PRKAG2: variants seen among roughly 807,000 people sequenced by gnomAD.
PRKAG2 encodes the protein 5'-AMP-activated protein kinase subunit gamma-2.
PRKAG2 carries 26 observed loss-of-function variants against 69.6 expected under a neutral mutation model. The observed-to-expected ratio is 0.37, with a 90% CI of 0.27 to 0.52. The LOEUF is 0.52. Ranked by LOEUF, PRKAG2 falls within the 20% of genes least tolerant of loss-of-function variation. PRKAG2 has a pLI of 0.90. For missense variants in PRKAG2, 557 were observed against 740.0 expected, an observed-to-expected ratio of 0.75 and a Z score of 2.87; for synonymous variants, 293 against 285.0, an observed-to-expected ratio of 1.03 and a Z score of -0.28.
chr7:151,662,074 T>G (rs1830401094), intron 4 of PRKAG2, among the ~76,000 whole-genome samples: 1 of 152,146 alleles, frequency 6.6e-6, no homozygotes, highest in South Asian at 2.1e-4. Context: ...TTCACACAAC[T>G]CTATTGGTAA....
chr7:151,652,521 T>G (rs1483494864), intron 4 of PRKAG2, among the ~76,000 whole-genome samples: 1 of 152,122 alleles, frequency 6.6e-6, no homozygotes, highest in Non-Finnish European at 1.5e-5. Context: ...TTCTTTTTCT[T>G]TTTTCTTTTC....
chr7:151,799,475 G>A (rs2077718199), intron 1 of PRKAG2, among the ~76,000 whole-genome samples: 1 of 152,206 alleles, frequency 6.6e-6, no homozygotes, highest in African/African-American at 2.4e-5. Context: ...CTTGGGTTCT[G>A]CGGGCACCTT....
intron 3 of PRKAG2, among the ~76,000 whole-genome samples, chr7:151,729,278 C>T (rs1034619212): frequency 8.5e-5 from 13 of 152,076 alleles, no homozygotes; most frequent in African/African-American, 2.4e-4. Context: ...CTACAGTGTC[C>T]GAAACCCCCC....
chr7:151,622,707 G>C (rs1821827357), intron 5 of PRKAG2, among the ~76,000 whole-genome samples: 1 of 152,168 alleles, frequency 6.6e-6, no homozygotes, highest in Non-Finnish European at 1.5e-5. Context: ...CTCAGGAACA[G>C]GGATAAGCAC....
At chr7:151,600,170 C>T (rs537505038) in intron 5 of PRKAG2, among the ~76,000 whole-genome samples, 3 of 152,164 alleles carry the variant, frequency 2.0e-5, no homozygotes, top group Non-Finnish European at 4.4e-5. Flanking sequence ...CTGCTTTCCC[C>T]GTTCTGCCGA....
At chr7:151,603,693 G>C (rs1264931567) in intron 5 of PRKAG2, among the ~76,000 whole-genome samples, 2 of 152,022 alleles carry the variant, frequency 1.3e-5, no homozygotes, top group Admixed American at 1.3e-4. Flanking sequence ...TCCTATCCAG[G>C]GTGCCTAAAA....
intron 1 of PRKAG2, among the ~76,000 whole-genome samples, chr7:151,800,411 C>T (rs1390717933): frequency 6.6e-6 from 1 of 152,022 alleles, no homozygotes; most frequent in Non-Finnish European, 1.5e-5. Context: ...CAGTTTCCTC[C>T]TCTGAGACAG....
Position 151,614,464 on chromosome 7 carries a change from A to C in PRKAG2, c.754+17605T>G, listed in dbSNP as rs1819606133. ...AAAAATCAGGGCTGCGTGGACGCTC[A>C]GTCAGAGGAGAAAAGAGGCAGAGCA... On this transcript the variant is annotated intron_variant, in intron 5 of 15. Coordinates refer to ENST00000287878, the MANE Select transcript of PRKAG2 (RefSeq NM_016203.4). This position sits in a 1 kb window ranked among gnomAD's most constrained non-coding sequence, Gnocchi z 4.4. Among the ~76,000 whole-genome samples the C allele has an allele frequency of 1.3e-5, 2 of 152,288 alleles. No individual in the cohort carries two copies. The highest frequency in any genetic ancestry group is 1.5e-5 in the Non-Finnish European group (1 of 68,018).
At chr7:151,724,751 C>T (rs74899537) in intron 3 of PRKAG2, among the ~76,000 whole-genome samples, 3,449 of 152,296 alleles carry the variant, frequency 0.023, 59 homozygotes, top group Admixed American at 0.055. Context: ...CGGCTCTCCG[C>T]GCCACGCTCC....
intron 1 of PRKAG2, among the ~76,000 whole-genome samples, chr7:151,813,947 A>G (rs1254989985): frequency 1.3e-5 from 2 of 152,198 alleles, no homozygotes; most frequent in Admixed American, 6.5e-5. Context: ...GCCAAAGGTA[A>G]TAAGTGATGA....
chr7:151,724,919 G>A (rs546859276), intron 3 of PRKAG2, among the ~76,000 whole-genome samples: 23 of 152,098 alleles, frequency 1.5e-4, no homozygotes, highest in Non-Finnish European at 2.6e-4. Context: ...TGCTCAGTGC[G>A]TCCCAGCTCC....
At position 151,636,851 on chromosome 7, in the gene PRKAG2, C is replaced by T. The variant is rs138933852; in HGVS notation, c.685-4713G>A. Among the ~76,000 whole-genome samples the T allele has an allele frequency of 3.2e-3, 489 of 152,196 alleles. 2 individuals are homozygous for T. Among genetic ancestry groups the T allele is most frequent in the Non-Finnish European group, 5.3e-3 (362 of 67,998 alleles). ...TCCCGAGTAGCTGGGACTACAGGTG[C>T]GCACAACCATGCTCGGCTAATTTTC... On this transcript the variant is annotated intron_variant, in intron 4 of 15. Coordinates refer to ENST00000287878, the MANE Select transcript of PRKAG2 (RefSeq NM_016203.4).
intron 14 of PRKAG2, among the ~76,000 whole-genome samples, chr7:151,563,154 G>A (rs1181900662): frequency 6.6e-6 from 1 of 152,056 alleles, no homozygotes; most frequent in Non-Finnish European, 1.5e-5. Flanking sequence ...TTCTATTTAT[G>A]TCATATAAAC....
chr7:151,738,711 T>C (rs2073648270), intron 3 of PRKAG2, among the ~76,000 whole-genome samples: 1 of 152,286 alleles, frequency 6.6e-6, no homozygotes, highest in South Asian at 2.1e-4. Context: ...GTTAATTTAA[T>C]AACTATAGAA....
At chr7:151,635,594 G>A (rs969580065) in intron 4 of PRKAG2, among the ~76,000 whole-genome samples, 4 of 152,080 alleles carry the variant, frequency 2.6e-5, no homozygotes, top group Non-Finnish European at 4.4e-5. Flanking sequence ...GTCCTAAAAC[G>A]TCATATACTG....
At chr7:151,665,760 T>A (rs1156628035) in intron 4 of PRKAG2, among the ~76,000 whole-genome samples, 2 of 152,214 alleles carry the variant, frequency 1.3e-5, no homozygotes, top group Non-Finnish European at 2.9e-5. Context: ...GATGAGGTTG[T>A]AAGGGTATTT....
At chr7:151,696,326 C>T (rs546140417) in intron 3 of PRKAG2, among the ~76,000 whole-genome samples, 15 of 152,366 alleles carry the variant, frequency 9.8e-5, no homozygotes, top group Middle Eastern at 3.4e-3. Flanking sequence ...GCTCCAATGG[C>T]AACTGGTAGC....
chr7:151,805,437 A>T (rs2078053707), intron 1 of PRKAG2, among the ~76,000 whole-genome samples: 1 of 152,226 alleles, frequency 6.6e-6, no homozygotes, highest in South Asian at 2.1e-4. Flanking sequence ...CAGCTGAGCC[A>T]GATGACTCCT....
intron 4 of PRKAG2, among the ~76,000 whole-genome samples, chr7:151,649,581 G>A (rs1313988442): frequency 6.6e-6 from 1 of 152,192 alleles, no homozygotes; most frequent in Non-Finnish European, 1.5e-5. Context: ...GCTGGTAGGA[G>A]GTGATTGGAT....
Sources: gnomAD v4.1 joint callset for allele counts (sites outside exome capture counted in the v4.1 genomes callset) on GRCh38, gnomAD v4.1.1 for gene constraint, Gnocchi (gnomAD v3.1) non-coding constraint, MANE v1.5 for transcripts, NCBI Gene and HGNC (gene_info 2026-07-23, HGNC 2026-07-21) for gene names.